The following GUCY2C variants were observed in gnomAD, a reference collection of about 807,000 sequenced individuals.
The protein encoded by GUCY2C is guanylyl cyclase C.
A neutral mutation model predicts 131.1 loss-of-function variants in GUCY2C; 118 were observed. The ratio of observed to expected loss-of-function variants is 0.90; its 90% CI spans 0.78 to 1.05. The LOEUF is 1.05. Ranked by LOEUF, GUCY2C falls within the 50% of genes least tolerant of loss-of-function variation. GUCY2C has a pLI of 0.00. For synonymous variants in GUCY2C, 452 were observed against 457.8 expected (o/e 0.99, Z 0.16); for missense variants, 1,161 against 1,304.4 (o/e 0.89, Z 1.69).
chr12:14,674,932 G>A (rs911258684), intron 7 of GUCY2C, among the ~76,000 whole-genome samples, 172 bp from the exon 8 acceptor site: 3 of 152,034 alleles, frequency 2.0e-5, no homozygotes, highest in East Asian at 1.9e-4. Context: ...CTTGGAGGCC[G>A]GGTGAGGTGG....
chr12:14,672,082 G>GAA (rs11385690), intron 9 of GUCY2C, among the ~76,000 whole-genome samples: 4,937 of 151,348 alleles, frequency 0.033, 148 homozygotes, highest in East Asian at 0.15. Flanking sequence ...ATTGGAAAAT[G>GAA]AAAAAAAAAT....
rs1415414290 is a variant in GUCY2C, at chr12:14,619,112, T to C, written c.2875+99A>G. ...TGTGAAGAATTATTCTACATCTCAC[T>C]GGCACTTTGTATCTCCTTATTGTGC... On this transcript the variant is annotated intron_variant, in intron 24 of 26. Coordinates refer to ENST00000261170, the MANE Select transcript of GUCY2C (RefSeq NM_004963.4). 15 of 674,166 alleles carry C rather than the reference T, an allele frequency of 2.2e-5. No homozygotes were observed. Among genetic ancestry groups the C allele is most frequent in the Middle Eastern group, 5.3e-4 (2 of 3,802 alleles). 41.8% of individuals were successfully genotyped at this position (674,166 alleles called of 1,614,324 possible).
rs145980638 is a variant in GUCY2C at position 14,615,836 on chromosome 12, C to A, written c.2970+797G>T. ...CGTAAAAGGAGACTTTTCCAAGGTG[C>A]AATCCAAATGTAAAGGCCAGAAGCA... On this transcript the variant is annotated intron_variant, in intron 25 of 26. Coordinates refer to ENST00000261170, the MANE Select transcript of GUCY2C (RefSeq NM_004963.4). Among the ~76,000 whole-genome samples, 214 of 152,080 alleles carry A rather than the reference C, an allele frequency of 1.4e-3. 3 individuals carry two copies. The South Asian group carries it at 0.019, about 14-fold the overall frequency.
At chr12:14,639,741 C>G (rs1467466933) in intron 19 of GUCY2C, 121 bp downstream of exon 19, 5 of 668,402 alleles carry the variant, frequency 7.5e-6, no homozygotes, top group African/African-American at 1.8e-5. Flanking sequence ...TTGCTGAACA[C>G]TTGATTTCAG....
In GUCY2C at chr12:14,641,188, T is replaced by G; in HGVS notation, c.1962A>C (p.Gln654His). ...CATCTCCTTTCTGAGAGATGTTGGC[T>G]TGGCGGAGGTGCTCTGGAGCTGTCC... The part of the protein sequence containing the change: ...DLWTAPEHLR[Q>H]ANISQKGDVY... The change falls in exon 18 of 27, where the codon CAA becomes CAC. Residue 654 changes from glutamine to histidine, a missense_variant. By Grantham distance (24) the Gln-to-His change is conservative. Transcript: ENST00000261170. 1 of 1,613,678 alleles carries G rather than the reference T, an allele frequency of 6.2e-7. No individual in the cohort carries two copies. Among genetic ancestry groups the G allele is most frequent in the Non-Finnish European group, 8.5e-7 (1 of 1,179,940 alleles).
At chr12:14,693,146 C>G (rs931100650) in intron 1 of GUCY2C, among the ~76,000 whole-genome samples, 1 of 152,156 alleles carries the variant, frequency 6.6e-6, no homozygotes, top group Admixed American at 6.5e-5. Context: ...CTCTCTACCC[C>G]ACAATGATAT....
chr12:14,653,214 C>T (rs1251845702), intron 12 of GUCY2C, among the ~76,000 whole-genome samples, 200 bp from the exon 13 acceptor site: 1 of 152,206 alleles, frequency 6.6e-6, no homozygotes, highest in African/African-American at 2.4e-5. Context: ...TTCCAGGTAT[C>T]TACTGCGCTC....
intron 15 of GUCY2C, among the ~76,000 whole-genome samples, chr12:14,651,067 C>T (rs1010498475): frequency 1.1e-4 from 17 of 152,086 alleles, no homozygotes; most frequent in African/African-American, 4.1e-4. Flanking sequence ...TCTTCTAATG[C>T]TTATTTGGCG....
At chr12:14,667,649 C>T (rs940148771) in intron 10 of GUCY2C, among the ~76,000 whole-genome samples, 5 of 152,050 alleles carry the variant, frequency 3.3e-5, no homozygotes, top group South Asian at 2.1e-4. Flanking sequence ...GGCTGTAGAG[C>T]GGGGCTGGTA....
chr12:14,658,323 TC>T (rs1468874088), intron 11 of GUCY2C, among the ~76,000 whole-genome samples: 1 of 152,222 alleles, frequency 6.6e-6, no homozygotes, highest in African/African-American at 2.4e-5. Flanking sequence ...ATGTATTTTT[TC>T]TTTGACTTTT....
Position 14,616,660 on chromosome 12 carries a change from A to C in GUCY2C, c.2943T>G (p.Tyr981Ter), listed in dbSNP as rs1439101345. ...TTAAGTATGTTTCTCCTCTCACTTC[A>C]TAAAGGAACTGGCACTCAGTTCTCT... The part of the protein sequence containing the change: ...ILKRTECQFL[Y>*]EVRGETYLKG... Residue 981 changes from tyrosine to a stop codon, truncating the protein, a stop_gained, in exon 25 of 27, where the codon TAT becomes TAG. Transcript: ENST00000261170. LOFTEE classifies it high-confidence loss of function. 16 of 1,599,618 alleles carry C rather than the reference A, an allele frequency of 1.0e-5. No homozygotes were observed. Among genetic ancestry groups the C allele is most frequent in the Non-Finnish European group, 1.4e-5 (16 of 1,167,084 alleles).
intron 16 of GUCY2C, among the ~76,000 whole-genome samples, chr12:14,644,949 A>T (rs1226550334): frequency 6.6e-6 from 1 of 151,852 alleles, no homozygotes; most frequent in Admixed American, 6.6e-5. Context: ...GATTTCTGGA[A>T]AATCTGTGAA....
intron 15 of GUCY2C, among the ~76,000 whole-genome samples, chr12:14,648,109 C>A (rs1023782477): frequency 1.3e-5 from 2 of 151,696 alleles, no homozygotes; most frequent in African/African-American, 4.8e-5. Flanking sequence ...TACAGGTGCC[C>A]GCCATCATGC....
intron 7 of GUCY2C, 69 bp from the exon 8 acceptor site, chr12:14,674,829 AG>A (rs1948193962): frequency 8.1e-7 from 1 of 1,240,744 alleles, no homozygotes. Flanking sequence ...CTAGAACAAA[AG>A]GTTGTTGGGA....
chr12:14,624,493 C>T (rs1946964069), intron 21 of GUCY2C, among the ~76,000 whole-genome samples: 1 of 151,904 alleles, frequency 6.6e-6, no homozygotes, highest in Admixed American at 6.6e-5. Context: ...AAAGAAGAAA[C>T]TTCTATTTTA....
intron 12 of GUCY2C, among the ~76,000 whole-genome samples, chr12:14,653,266 C>T (rs1947702994): frequency 6.6e-6 from 1 of 152,222 alleles, no homozygotes. Flanking sequence ...TGTGGCCCTA[C>T]TTCAACCAGG....
At chr12:14,671,939 C>G (rs1948121300) in intron 9 of GUCY2C, among the ~76,000 whole-genome samples, 1 of 152,182 alleles carries the variant, frequency 6.6e-6, no homozygotes, top group Non-Finnish European at 1.5e-5. Context: ...ATGCTGCTAG[C>G]AAATTTCTGG....
At chr12:14,690,506 A>G (rs1479249417) in intron 1 of GUCY2C, among the ~76,000 whole-genome samples, 2 of 152,072 alleles carry the variant, frequency 1.3e-5, no homozygotes, top group African/African-American at 4.8e-5. Flanking sequence ...ATCAGGACAA[A>G]TGTCTGATTC....
chr12:14,629,533 G>GA (rs770162359), intron 19 of GUCY2C, among the ~76,000 whole-genome samples: 1 of 151,926 alleles, frequency 6.6e-6, no homozygotes, highest in Non-Finnish European at 1.5e-5. Flanking sequence ...TATAAGCTCT[G>GA]AAAAAAAATG....
Sources: allele counts gnomAD v4.1 joint callset (sites outside exome capture counted in the v4.1 genomes callset), GRCh38; gene constraint gnomAD v4.1.1; transcripts MANE v1.5; gene names NCBI Gene and HGNC (gene_info 2026-07-23, HGNC 2026-07-21).